SPACA7: variants seen among roughly 807,000 people sequenced by gnomAD.
SPACA7 encodes sperm acrosome-associated protein 7.
SPACA7 carries 19 observed loss-of-function variants against 26.3 expected under a neutral mutation model. That is an observed-to-expected ratio of 0.72 (90% CI 0.50 to 1.06). SPACA7 has a LOEUF of 1.06. SPACA7 is among the 50% of genes least tolerant of loss of function. The pLI, the probability that SPACA7 is intolerant of heterozygous loss-of-function variation, is 0.00. For missense variants in SPACA7, 211 were observed against 229.9 expected, an observed-to-expected ratio of 0.92 and a Z score of 0.53; for synonymous variants, 84 against 84.5, an observed-to-expected ratio of 0.99 and a Z score of 0.04.
chr13:112,419,165 G>A (rs113435758), intron 5 of SPACA7, among the ~76,000 whole-genome samples: 5,112 of 152,236 alleles, frequency 0.034, 96 homozygotes, highest in Middle Eastern at 0.068. Flanking sequence ...AAAGAGGCAA[G>A]CCTACCAAAC....
chr13:112,402,402 A>G (rs991925438), intron 5 of SPACA7, among the ~76,000 whole-genome samples: 6 of 151,852 alleles, frequency 4.0e-5, no homozygotes, highest in Non-Finnish European at 8.8e-5. Context: ...TTACTGAATT[A>G]TTTTCTTGTT....
chr13:112,415,445 C>T (rs972504316), intron 5 of SPACA7, among the ~76,000 whole-genome samples: 1 of 152,214 alleles, frequency 6.6e-6, no homozygotes, highest in African/African-American at 2.4e-5. Flanking sequence ...TATGGTCTTC[C>T]AGCCTGGGGT....
At chr13:112,416,255 C>T (rs992197850) in intron 5 of SPACA7, among the ~76,000 whole-genome samples, 2 of 148,762 alleles carry the variant, frequency 1.3e-5, no homozygotes, top group Non-Finnish European at 3.0e-5. Context: ...CTATCTTGCT[C>T]CACTTTCTGG....
Position 112,401,082 on chromosome 13 carries a change from T to C in SPACA7, c.363T>C (p.Asn121=). The C allele has an allele frequency of 6.2e-7, 1 of 1,614,116 alleles. No individual in the cohort carries two copies. The highest frequency in any genetic ancestry group is 1.6e-4 in the Middle Eastern group (1 of 6,062). The part of the protein sequence containing the change: ...VKISNDEANA[N]ANLHGDPSEN... Reference sequence around the variant, plus strand: ...TTGTCATTAAAGAAGCCAATGCTAATGCAAATCTCCATGGCGATCCTTCTG... The same window carrying C: ...TTGTCATTAAAGAAGCCAATGCTAACGCAAATCTCCATGGCGATCCTTCTG... The change falls in exon 5 of 7, where the codon AAT becomes AAC. Residue 121 remains asparagine (N), a synonymous_variant. Coordinates refer to ENST00000283550, the MANE Select transcript of SPACA7 (RefSeq NM_145248.5).
rs546871828 is a variant in SPACA7, at chr13:112,380,268, G to A, written c.94+3789G>A. On this transcript the variant is annotated intron_variant, in intron 1 of 6. Transcript: ENST00000283550. ...CATCTCTACAAAATTAGCCAGACAT[G>A]GTGGTGCATGCCTGTAACCCCAGCT... Among the ~76,000 whole-genome samples the A allele has an allele frequency of 3.9e-5, 6 of 152,124 alleles. No individual in the cohort carries two copies. The East Asian group carries it at 1.2e-3, about 29-fold the overall frequency.
At chr13:112,388,645 GT>G (rs1038623900) in intron 1 of SPACA7, among the ~76,000 whole-genome samples, 1 of 152,240 alleles carries the variant, frequency 6.6e-6, no homozygotes, top group African/African-American at 2.4e-5. Flanking sequence ...CACCCAAGGG[GT>G]TCACTTTGCC....
At chr13:112,427,801 A>G (rs1444654573) in intron 5 of SPACA7, among the ~76,000 whole-genome samples, 1 of 152,032 alleles carries the variant, frequency 6.6e-6, no homozygotes, top group African/African-American at 2.4e-5. Context: ...GAACTTTCTC[A>G]TTTCACCTAA....
chr13:112,404,978 CTTTTTTTT>C (rs373253878), intron 5 of SPACA7, among the ~76,000 whole-genome samples: 1 of 94,264 alleles, frequency 1.1e-5, no homozygotes, highest in African/African-American at 4.4e-5. Flanking sequence ...GTATTCTCTT[CTTTTTTTT>C]TTTTTTTTTT....
intron 1 of SPACA7, among the ~76,000 whole-genome samples, chr13:112,378,932 A>C (rs547106801): frequency 2.0e-5 from 3 of 152,340 alleles, no homozygotes; most frequent in Admixed American, 6.5e-5. Flanking sequence ...GAAAATCATA[A>C]TATCCAAATT....
In SPACA7 at chr13:112,388,020, C is replaced by T. The variant is rs1884638074; in HGVS notation, c.95-5001C>T. 3.9e-5 allele frequency among the ~76,000 whole-genome samples: 6 copies of T among 152,244 alleles called. No individual in the cohort carries two copies. In the South Asian group the frequency reaches 1.2e-3, roughly 32 times the overall value. Reference sequence around the variant, plus strand: ...ATCTCTGGGCAAGGCGAAGACAGGCCTATTGAGCCTTCTCTAGGGCTCATC... The same window carrying T: ...ATCTCTGGGCAAGGCGAAGACAGGCTTATTGAGCCTTCTCTAGGGCTCATC... On this transcript the variant is annotated intron_variant, in intron 1 of 6. Coordinates refer to ENST00000283550, the MANE Select transcript of SPACA7 (RefSeq NM_145248.5).
At chr13:112,380,582 TTC>T (rs1258547716) in intron 1 of SPACA7, among the ~76,000 whole-genome samples, 1 of 151,854 alleles carries the variant, frequency 6.6e-6, no homozygotes, top group South Asian at 2.1e-4. Context: ...CATAAGATTT[TTC>T]TCTCTCTTTT....
chr13:112,383,026 A>AAGAGAGAGAGAGAGAAAGAGAGAG lies in SPACA7; in HGVS notation c.94+6566_94+6567insGAGAGAGAGAGAGAGAGAGAAAGA, dbSNP rs371501039. On this transcript the variant is annotated intron_variant, in intron 1 of 6. Coordinates refer to ENST00000283550, the MANE Select transcript of SPACA7 (RefSeq NM_145248.5). ...AGAGAAAGACAGAAGGAAAGAAAGA[A>AAGAGAGAGAGAGAGAAAGAGAGAG]AGAGAGAGAGAGAGAAAGACAGAAG... is the stretch of plus-strand genomic sequence containing the variant. Among the ~76,000 whole-genome samples, 31 of 95,298 alleles carry AAGAGAGAGAGAGAGAAAGAGAGAG rather than the reference A, an allele frequency of 3.3e-4. 2 individuals are homozygous for AAGAGAGAGAGAGAGAAAGAGAGAG. Among genetic ancestry groups the AAGAGAGAGAGAGAGAAAGAGAGAG allele is most frequent in the Middle Eastern group, 5.3e-3 (1 of 190 alleles). The allele number at this position is 95,298 out of a possible 152,430, so 62.5% of individuals were successfully genotyped here.
intron 1 of SPACA7, among the ~76,000 whole-genome samples, chr13:112,384,576 C>T (rs7320085): frequency 0.015 from 2,333 of 152,074 alleles, 59 homozygotes; most frequent in African/African-American, 0.053. Context: ...GATTTTGGAA[C>T]GTTTGTCAAA....
intron 1 of SPACA7, chr13:112,382,442 G>C (rs144948911): frequency 1.3e-6 from 2 of 1,549,958 alleles, no homozygotes; most frequent in South Asian, 2.4e-5. Flanking sequence ...GATGGGAAAA[G>C]GCTGTCAATG....
At chr13:112,403,554 A>T (rs1227363348) in intron 5 of SPACA7, among the ~76,000 whole-genome samples, 1 of 152,022 alleles carries the variant, frequency 6.6e-6, no homozygotes. Flanking sequence ...CCCAATTTGT[A>T]GTCTTTTATC....
In SPACA7 at chr13:112,393,101, C is replaced by T. The variant is rs577447747; in HGVS notation, c.151+24C>T. On this transcript the variant is annotated intron_variant, in intron 2 of 6. Transcript: ENST00000283550. ...AGGTAAGGAAGCCCCTCCTATCAAC[C>T]TCTGGCCTGTACGTGAAGAGGGCTG... 5 of 1,602,734 alleles carry T rather than the reference C, an allele frequency of 3.1e-6. No individual in the cohort carries two copies. In the South Asian group the frequency reaches 3.3e-5, roughly 11 times the overall value.
intron 1 of SPACA7, among the ~76,000 whole-genome samples, chr13:112,386,659 A>C (rs1884546921): frequency 6.6e-6 from 1 of 152,166 alleles, no homozygotes; most frequent in African/African-American, 2.4e-5. Flanking sequence ...GAAGAAAAAT[A>C]AACTTTTTCC....
intron 2 of SPACA7, among the ~76,000 whole-genome samples, chr13:112,395,386 G>A (rs9604312): frequency 0.11 from 16,660 of 152,262 alleles, 2,183 homozygotes; most frequent in African/African-American, 0.3. Flanking sequence ...CGTTGCTAGA[G>A]GAGGTCTGAC....
At chr13:112,388,565 G>A (rs1337154304) in intron 1 of SPACA7, among the ~76,000 whole-genome samples, 1 of 152,186 alleles carries the variant, frequency 6.6e-6, no homozygotes, top group African/African-American at 2.4e-5. Flanking sequence ...ATCCATTGTT[G>A]AAGGGGGGCC....
Sources: allele counts gnomAD v4.1 joint callset (sites outside exome capture counted in the v4.1 genomes callset), GRCh38; gene constraint gnomAD v4.1.1; transcripts MANE v1.5; gene names NCBI Gene and HGNC (gene_info 2026-07-23, HGNC 2026-07-21).